Variants in PCDHA10 observed in about 807,000 individuals in gnomAD.
PCDHA10 encodes the protein protocadherin alpha-10.
Under a neutral mutation model 61.2 loss-of-function variants are expected in PCDHA10, and 45 were observed. The ratio of observed to expected loss-of-function variants is 0.74; its 90% CI spans 0.58 to 0.94. The LOEUF (loss-of-function observed/expected upper bound fraction) is 0.94, where lower values mean the gene tolerates loss of function less well. Ranked by LOEUF, PCDHA10 falls within the 40% of genes least tolerant of loss-of-function variation. The probability of loss-of-function intolerance (pLI) is 0.00; values close to 1 mark genes in which losing one functional copy is unlikely to be tolerated. For synonymous variants in PCDHA10, 602 were observed against 548.8 expected, an observed-to-expected ratio of 1.10 and a Z score of -1.35; for missense variants, 1,278 against 1,236.2, an observed-to-expected ratio of 1.03 and a Z score of -0.51.
rs1303154996 is a variant in PCDHA10 at position 140,857,033 on chromosome 5, A to G, written c.985A>G (p.Met329Val). ...VDVTDKGNPP[M>V]VGHCTVLVEL... ...TGTTACAGATAAGGGAAACCCACCTATGGTTGGTCACTGCACGGTCCTAGT... is the reference window on the plus strand; with the variant it reads ...TGTTACAGATAAGGGAAACCCACCTGTGGTTGGTCACTGCACGGTCCTAGT... Residue 329 changes from methionine (M) to valine (V), a missense_variant, in exon 1 of 4, where the codon ATG (methionine) becomes GTG (valine). Met to Val is a conservative substitution (Grantham distance 21). Coordinates refer to ENST00000307360, the MANE Select transcript of PCDHA10 (RefSeq NM_018901.4). 7 of 1,595,572 alleles carry G rather than the reference A, an allele frequency of 4.4e-6. No homozygotes were observed. Among genetic ancestry groups the G allele is most frequent in the South Asian group, 1.1e-5 (1 of 90,508 alleles).
intron 3 of PCDHA10, among the ~76,000 whole-genome samples, chr5:140,987,991 T>C (rs1243117535): frequency 6.6e-6 from 1 of 152,232 alleles, no homozygotes; most frequent in Non-Finnish European, 1.5e-5. Context: ...ACTCCATCTC[T>C]GATCCTTCCC....
chr5:140,869,828 T>G, intron 1 of PCDHA10: 2 of 1,611,962 alleles, frequency 1.2e-6, no homozygotes, highest in South Asian at 2.2e-5. Context: ...GATCCAGAGT[T>G]TGATAAATCA....
At chr5:140,928,874 C>T (rs782794510) in intron 1 of PCDHA10, 1 of 1,614,194 alleles carries the variant, frequency 6.2e-7, no homozygotes, top group Admixed American at 1.7e-5. Context: ...AACTCTGTCC[C>T]TCAGTTACTT....
chr5:140,942,310 C>T (rs782391809), intron 1 of PCDHA10, among the ~76,000 whole-genome samples: 14 of 151,402 alleles, frequency 9.2e-5, no homozygotes, highest in East Asian at 1.9e-4. Flanking sequence ...CTTGGGAGGT[C>T]GAGGCACAAG....
chr5:140,865,854 C>T (rs1029695094), intron 1 of PCDHA10: 1 of 152,144 alleles, frequency 6.6e-6, no homozygotes, highest in Non-Finnish European at 1.5e-5. Context: ...TTTCTCTGCT[C>T]AAACATGGTC....
rs560485194 is a variant in PCDHA10 at position 140,872,763 on chromosome 5, G to A, written c.2388+14327G>A. ...AACTTGCTAAAGACATGCATATAGG[G>A]CTATATTATCTATAATATATGCTAG... On this transcript the variant is annotated intron_variant, in intron 1 of 3. Coordinates refer to ENST00000307360, the MANE Select transcript of PCDHA10 (RefSeq NM_018901.4). 2.0e-5 allele frequency among the ~76,000 whole-genome samples: 3 copies of A among 152,126 alleles called. No homozygotes were observed. The South Asian group carries it at 6.2e-4, about 32-fold the overall frequency.
At chr5:140,882,069 G>T in intron 1 of PCDHA10, 1 of 844,446 alleles carries the variant, frequency 1.2e-6, no homozygotes, top group Non-Finnish European at 1.8e-6. Flanking sequence ...ACGTTCATGC[G>T]CATGGTGTCG....
chr5:141,007,437 A>G (rs913587541), intron 3 of PCDHA10, among the ~76,000 whole-genome samples: 2 of 150,734 alleles, frequency 1.3e-5, no homozygotes, highest in Non-Finnish European at 2.9e-5. Context: ...GCATGGTGGC[A>G]TGTGCCTGTA....
intron 1 of PCDHA10, among the ~76,000 whole-genome samples, chr5:140,874,668 A>G (rs1424174427): frequency 6.6e-6 from 1 of 152,238 alleles, no homozygotes; most frequent in African/African-American, 2.4e-5. Context: ...TCCAGAATCT[A>G]TTCCTGAGAT....
At chr5:140,958,104 T>C (rs1554223331) in intron 1 of PCDHA10, among the ~76,000 whole-genome samples, 1 of 151,916 alleles carries the variant, frequency 6.6e-6, no homozygotes, top group Admixed American at 6.6e-5. Flanking sequence ...GTGTGTAGAG[T>C]GTGGTTCCAT....
chr5:140,893,530 A>G (rs2064036357), intron 1 of PCDHA10, among the ~76,000 whole-genome samples: 1 of 152,056 alleles, frequency 6.6e-6, no homozygotes, highest in South Asian at 2.1e-4. Context: ...TCCTTTAAGT[A>G]TTTCTTGTAG....
In PCDHA10 at chr5:140,927,750, G is replaced by T. The variant is rs155819; in HGVS notation, c.2389-51199G>T. The T allele has an allele frequency of 1.4e-3, 2,310 of 1,614,204 alleles. 26 individuals carry two copies. In the African/African-American group the frequency reaches 0.026, roughly 18 times the overall value. On this transcript the variant is annotated intron_variant, in intron 1 of 3. Coordinates refer to ENST00000307360, the MANE Select transcript of PCDHA10 (RefSeq NM_018901.4). ...CAGAGCTGCGACACCGCTTTCACGT[G>T]CACCCTAAAAGTGGGGAGGTGCAAG...
intron 3 of PCDHA10, among the ~76,000 whole-genome samples, chr5:140,994,615 G>C (rs2097641272): frequency 6.6e-6 from 1 of 152,078 alleles, no homozygotes; most frequent in Admixed American, 6.6e-5. Context: ...TGAGGCACGA[G>C]AGTCACTTGA....
intron 1 of PCDHA10, chr5:140,881,522 A>G: frequency 5.1e-6 from 1 of 196,850 alleles, no homozygotes; most frequent in South Asian, 1.8e-4. Context: ...AAAATCCCAC[A>G]CATATTGACT....
chr5:140,922,950 T>G (rs928008081), intron 1 of PCDHA10, among the ~76,000 whole-genome samples: 6 of 152,208 alleles, frequency 3.9e-5, no homozygotes, highest in Non-Finnish European at 5.9e-5. Flanking sequence ...GGAAATCCAG[T>G]TTGTCTTCAG....
intron 1 of PCDHA10, among the ~76,000 whole-genome samples, chr5:140,889,020 TG>T (rs1554183734): frequency 1.3e-5 from 2 of 152,126 alleles, no homozygotes; most frequent in Non-Finnish European, 2.9e-5. Context: ...TCTACTTCCT[TG>T]GATAACCGTA....
At chr5:140,884,563 T>G in intron 1 of PCDHA10, 4 of 1,614,150 alleles carry the variant, frequency 2.5e-6, no homozygotes, top group Non-Finnish European at 3.4e-6. Context: ...AGGGCCCGCA[T>G]AAGACGGACC....
Position 140,967,117 on chromosome 5 carries a change from C to T in PCDHA10, c.2389-11832C>T, listed in dbSNP as rs370329233. 7.4e-6 allele frequency: 12 copies of T among 1,612,904 alleles called. No individual in the cohort carries two copies. The East Asian group carries it at 1.6e-4, about 21-fold the overall frequency. On this transcript the variant is annotated intron_variant, in intron 1 of 3. Coordinates refer to ENST00000307360, the MANE Select transcript of PCDHA10 (RefSeq NM_018901.4). ...CGCTGTGTGAGCAGCGGCCTCGCTG[C>T]CTGCTCAGCTTGGAAGTGCTGGCGC...
At chr5:140,869,695 A>G (rs2051335232) in intron 1 of PCDHA10, 1 of 1,613,342 alleles carries the variant, frequency 6.2e-7, no homozygotes, top group African/African-American at 1.3e-5. Context: ...TATTTTAAAG[A>G]AGTCTCTGGA....
Sources: allele counts gnomAD v4.1 joint callset (sites outside exome capture counted in the v4.1 genomes callset), GRCh38; gene constraint gnomAD v4.1.1; transcripts MANE v1.5; gene names NCBI Gene and HGNC (gene_info 2026-07-23, HGNC 2026-07-21).